Variants in NOL4L observed in about 807,000 individuals in gnomAD.
The protein encoded by NOL4L is nucleolar protein 4-like.
A neutral mutation model predicts 64.5 loss-of-function variants in NOL4L; 7 were observed. The observed-to-expected ratio is 0.11, with a 90% confidence interval of 0.06 to 0.20. The LOEUF (loss-of-function observed/expected upper bound fraction) is 0.20. Ranked by LOEUF, NOL4L falls within the 10% of genes least tolerant of loss-of-function variation. The pLI is 1.00. For missense variants in NOL4L, 680 were observed against 967.1 expected, an observed-to-expected ratio of 0.70 and a Z score of 3.94; for synonymous variants, 413 against 401.0, an observed-to-expected ratio of 1.03 and a Z score of -0.36.
At chr20:32,475,196 G>T in intron 4 of NOL4L, 1 of 985,470 alleles carries the variant, frequency 1.0e-6, no homozygotes, top group Middle Eastern at 5.2e-4. Flanking sequence ...CCCCCAGCAG[G>T]CCTGGCGCCC....
At chr20:32,502,421 C>T (rs1048218869) in intron 4 of NOL4L, among the ~76,000 whole-genome samples, 7 of 150,670 alleles carry the variant, frequency 4.6e-5, no homozygotes, top group South Asian at 4.2e-4. Flanking sequence ...GGTGAAACCC[C>T]GTCTCTACTG....
Position 32,452,429 on chromosome 20 carries a change from G to A in NOL4L, c.1629C>T (p.Pro543=). ...LEIYQSSQDE[P]IALDKQHSRD... is the part of the protein sequence containing the mutation. ...GCGAGTGCTGCTTGTCCAGGGCTAT[G>A]GGCTCATCCTGCAGAGGGGAGAGGG... Residue 543 remains proline (P), a synonymous_variant, in exon 10 of 11, where the codon CCC becomes CCT. Coordinates refer to ENST00000621426, the MANE Select transcript of NOL4L (RefSeq NM_001256798.2). The A allele has an allele frequency of 6.3e-7, 1 of 1,597,780 alleles. No individual in the cohort carries two copies.
Position 32,447,341 on chromosome 20 carries a change from C to T in NOL4L, c.*255G>A. The T allele has an allele frequency of 1.6e-6, 1 of 608,530 alleles. No homozygotes were observed. The highest frequency in any genetic ancestry group is 3.0e-6 in the Non-Finnish European group (1 of 335,922). 37.7% of individuals were successfully genotyped at this position (608,530 alleles called of 1,614,324 possible). Reference sequence around the variant, plus strand: ...GCGCCTTGTCAGGGGAGCCCCCAACCCTTCCAGAGCTGCCCCGTTGGCCTC... The same window carrying T: ...GCGCCTTGTCAGGGGAGCCCCCAACTCTTCCAGAGCTGCCCCGTTGGCCTC... On this transcript the variant is annotated 3_prime_UTR_variant, in exon 11 of 11. Coordinates refer to ENST00000621426, the MANE Select transcript of NOL4L (RefSeq NM_001256798.2).
intron 1 of NOL4L, among the ~76,000 whole-genome samples, chr20:32,570,455 G>A (rs1255362965): frequency 6.6e-6 from 1 of 152,224 alleles, no homozygotes; most frequent in Non-Finnish European, 1.5e-5. Flanking sequence ...AGCGGAGGAA[G>A]GCCTTGAGCC....
chr20:32,502,327 T>G (rs1461260006), intron 4 of NOL4L, among the ~76,000 whole-genome samples: 3 of 152,194 alleles, frequency 2.0e-5, no homozygotes, highest in African/African-American at 7.2e-5. Flanking sequence ...GTGTGGTGGC[T>G]CATGCCTGTA....
chr20:32,516,403 C>T (rs1179148555), intron 3 of NOL4L, among the ~76,000 whole-genome samples: 4 of 152,044 alleles, frequency 2.6e-5, no homozygotes, highest in African/African-American at 9.7e-5. Context: ...CGGTGCAGTC[C>T]CCAGGCTCAG....
At chr20:32,499,889 A>T (rs568031047) in intron 4 of NOL4L, among the ~76,000 whole-genome samples, 3 of 152,270 alleles carry the variant, frequency 2.0e-5, no homozygotes, top group East Asian at 3.9e-4. Context: ...CACTTAAAAC[A>T]GTTTGGTAGC....
chr20:32,454,041 A>G (rs2013217212), intron 6 of NOL4L: 1 of 436,490 alleles, frequency 2.3e-6, no homozygotes, highest in East Asian at 4.0e-5. Context: ...CTGAGCGCTT[A>G]GGAGGGTGTC....
At chr20:32,580,478 T>A (rs1980398069) in intron 1 of NOL4L, among the ~76,000 whole-genome samples, 1 of 152,212 alleles carries the variant, frequency 6.6e-6, no homozygotes. Flanking sequence ...GACTTAGGCC[T>A]CAAAATGCTT....
intron 1 of NOL4L, among the ~76,000 whole-genome samples, chr20:32,564,631 C>T (rs1041273167): frequency 2.0e-5 from 3 of 152,254 alleles, no homozygotes; most frequent in Admixed American, 2.0e-4. Context: ...GTCCTGTGTG[C>T]TTCAGGACAC....
chr20:32,498,832 C>T (rs1426679946), intron 4 of NOL4L, among the ~76,000 whole-genome samples: 13 of 151,274 alleles, frequency 8.6e-5, no homozygotes, highest in Admixed American at 8.6e-4. Flanking sequence ...TCAAGATCAG[C>T]CTGGGCAACA....
intron 1 of NOL4L, among the ~76,000 whole-genome samples, chr20:32,582,830 A>G (rs1980569213): frequency 6.6e-6 from 1 of 152,092 alleles, no homozygotes; most frequent in Non-Finnish European, 1.5e-5. Context: ...CAGTGACCCA[A>G]GATGGGAGAA....
At chr20:32,575,525 C>T (rs1020037638) in intron 1 of NOL4L, among the ~76,000 whole-genome samples, 1 of 152,176 alleles carries the variant, frequency 6.6e-6, no homozygotes, top group Admixed American at 6.5e-5. Context: ...GGTGGGTCTG[C>T]GCCCTGGGGC....
At position 32,473,928 on chromosome 20, in the gene NOL4L, A is replaced by G. The variant is rs1374029676; in HGVS notation, c.841+673T>C. Among the ~76,000 whole-genome samples, 11 of 152,322 alleles carry G rather than the reference A, an allele frequency of 7.2e-5. No individual in the cohort carries two copies. In the East Asian group the frequency reaches 2.1e-3, roughly 29 times the overall value. On this transcript the variant is annotated intron_variant, in intron 5 of 10. Transcript: ENST00000621426. ...ACACCAAGGTAGATGCCAGGGTCCCAGAGCCCAACCACTTGGGGGAGTCCA... is the reference window on the plus strand; with the variant it reads ...ACACCAAGGTAGATGCCAGGGTCCCGGAGCCCAACCACTTGGGGGAGTCCA...
At chr20:32,498,812 G>A (rs953577862) in intron 4 of NOL4L, among the ~76,000 whole-genome samples, 7 of 150,964 alleles carry the variant, frequency 4.6e-5, no homozygotes, top group African/African-American at 1.7e-4. Context: ...TCTTTGGGAG[G>A]CCCAGAAGTT....
At chr20:32,533,889 G>A (rs2018426438) in intron 1 of NOL4L, among the ~76,000 whole-genome samples, 1 of 152,188 alleles carries the variant, frequency 6.6e-6, no homozygotes, top group African/African-American at 2.4e-5. Context: ...CTGCCGGGGC[G>A]ACCTCAGGGA....
chr20:32,497,482 A>C (rs2016740573), intron 4 of NOL4L, among the ~76,000 whole-genome samples: 1 of 152,174 alleles, frequency 6.6e-6, no homozygotes, highest in South Asian at 2.1e-4. Context: ...AATAAAAAGC[A>C]AGGAAAACCA....
At chr20:32,510,819 C>CT (rs1305063468) in intron 4 of NOL4L, among the ~76,000 whole-genome samples, 3 of 152,102 alleles carry the variant, frequency 2.0e-5, no homozygotes, top group African/African-American at 7.2e-5. Flanking sequence ...GAGGGAGTTT[C>CT]TTTTCATAGC....
At chr20:32,562,985 T>G (rs1046814417) in intron 1 of NOL4L, among the ~76,000 whole-genome samples, 5 of 8,318 alleles carry the variant, frequency 6.0e-4, no homozygotes, top group African/African-American at 1.4e-3. Context: ...GGGTGGAGAG[T>G]GGAGGGCAGA....
Sources: allele counts gnomAD v4.1 joint callset (sites outside exome capture counted in the v4.1 genomes callset), GRCh38; gene constraint gnomAD v4.1.1; transcripts MANE v1.5; gene names NCBI Gene and HGNC (gene_info 2026-07-23, HGNC 2026-07-21).